GSE1: variants seen among roughly 807,000 people sequenced by gnomAD.
GSE1 encodes the protein Gse1 coiled-coil protein, also known as genetic suppressor element 1.
Under a neutral mutation model 112.6 loss-of-function variants are expected in GSE1, and 32 were observed. The observed-to-expected ratio is 0.28, with a 90% CI of 0.21 to 0.38. The LOEUF (loss-of-function observed/expected upper bound fraction) is 0.38, where lower values mean the gene tolerates loss of function less well. Among genes scored for constraint, GSE1 ranks in the 10% least tolerant of loss-of-function variants. GSE1 has a pLI of 1.00. For missense variants in GSE1, 2,348 were observed against 1,699.2 expected (o/e 1.38, Z -6.71); for synonymous variants, 1,115 against 735.6 (o/e 1.52, Z -8.35).
chr16:85,272,281 G>A (rs1398984041), intron 1 of GSE1, among the ~76,000 whole-genome samples: 3 of 152,216 alleles, frequency 2.0e-5, no homozygotes, highest in South Asian at 2.1e-4. Context: ...CGCGTGGGAC[G>A]ATCCGTTTTT....
chr16:85,371,418 G>C (rs1364887742), intron 2 of GSE1, among the ~76,000 whole-genome samples: 1 of 152,234 alleles, frequency 6.6e-6, no homozygotes, highest in South Asian at 2.1e-4. Context: ...GTGAGGGTGT[G>C]CGTCCTGGCT....
chr16:85,169,685 C>T, exon 1 of GSE1: 1 of 983,170 alleles, frequency 1.0e-6, no homozygotes, highest in Non-Finnish European at 1.2e-6. Flanking sequence ...GCGGCGGGCG[C>T]GGGGACCCCG....
Position 85,276,504 on chromosome 16 carries a change from G to A in GSE1, c.2284-80959G>A, listed in dbSNP as rs759284925. Among the ~76,000 whole-genome samples the A allele has an allele frequency of 5.9e-5, 9 of 152,274 alleles. No individual in the cohort carries two copies. In the South Asian group the frequency reaches 1.7e-3, roughly 28 times the overall value. On this transcript the variant is annotated intron_variant, in intron 1 of 2. Transcript: ENST00000637419. ...TTGGGTGAATGAAATGAATGGAATC[G>A]GCTCCTAAGTCACTGAGCAGGTTCA...
intron 1 of GSE1, among the ~76,000 whole-genome samples, chr16:85,596,730 C>T (rs977166439): frequency 3.9e-5 from 6 of 152,140 alleles, no homozygotes; most frequent in Non-Finnish European, 5.9e-5. Flanking sequence ...AGATGGACAA[C>T]GTTCTCTTCA....
intron 2 of GSE1, among the ~76,000 whole-genome samples, chr16:85,440,702 G>T (rs190389327): frequency 1.3e-5 from 2 of 152,184 alleles, no homozygotes; most frequent in African/African-American, 4.8e-5. Context: ...GGTAAGTTCT[G>T]GTGCTGAGGC....
rs567539973 is a variant in GSE1, at chr16:85,319,042, TG to T, written c.2284-38419del. ...TGGAAAGCGAGCATCATCTGTATCT[TG>T]GAAGGGTGGAGTGGCGGTGACATTA... On this transcript the variant is annotated intron_variant, in intron 1 of 2. Coordinates refer to the GSE1 transcript ENST00000637419. 1.0e-3 allele frequency among the ~76,000 whole-genome samples: 158 copies of T among 152,310 alleles called. No homozygotes were observed. In the South Asian group the frequency reaches 0.017, roughly 16 times the overall value.
intron 2 of GSE1, among the ~76,000 whole-genome samples, chr16:85,420,645 C>T (rs1375400606): frequency 2.6e-5 from 4 of 152,220 alleles, no homozygotes; most frequent in East Asian, 1.9e-4. Flanking sequence ...CCAGCCCACT[C>T]GGCCCACCGG....
chr16:85,291,958 C>T (rs1482000985), intron 1 of GSE1, among the ~76,000 whole-genome samples: 1 of 152,198 alleles, frequency 6.6e-6, no homozygotes, highest in Non-Finnish European at 1.5e-5. Context: ...GCAGCCCTGC[C>T]CTTGACCCTG....
chr16:85,458,540 G>A (rs1035689316), intron 2 of GSE1, among the ~76,000 whole-genome samples: 1 of 152,218 alleles, frequency 6.6e-6, no homozygotes, highest in African/African-American at 2.4e-5. Context: ...TGGTTGAGCT[G>A]GGCATGGAGG....
rs544463615 is a variant in GSE1, at chr16:85,319,649, G to A, written c.2284-37814G>A. On this transcript the variant is annotated intron_variant, in intron 1 of 2. Transcript: ENST00000637419. The stretch of plus-strand genomic sequence containing the variant: ...CCAGAACAGGGCCCATAGGGCCCTC[G>A]AACACCGCCTCCAGCATTAGTTCAC... Among the ~76,000 whole-genome samples, 217 of 152,196 alleles carry A rather than the reference G, an allele frequency of 1.4e-3. 2 individuals carry two copies. Among genetic ancestry groups the A allele is most frequent in the African/African-American group, 5.2e-3 (215 of 41,540 alleles).
At chr16:85,475,039 A>G (rs2151854108) in intron 2 of GSE1, among the ~76,000 whole-genome samples, 1 of 152,072 alleles carries the variant, frequency 6.6e-6, no homozygotes, top group East Asian at 1.9e-4. Context: ...CTGTGCTACC[A>G]CTAATGTGGC....
chr16:85,228,027 T>A (rs2075518763), intron 1 of GSE1, among the ~76,000 whole-genome samples: 1 of 151,918 alleles, frequency 6.6e-6, no homozygotes, highest in African/African-American at 2.4e-5. Context: ...GGAGGGCCCC[T>A]CTGTGGAGGA....
chr16:85,652,545 AGGC>A lies in GSE1; in HGVS notation c.427-1714_427-1712del, dbSNP rs142500416. 9.4e-3 allele frequency among the ~76,000 whole-genome samples: 1,420 copies of A among 150,942 alleles called. 16 individuals carry two copies. Among genetic ancestry groups the A allele is most frequent in the African/African-American group, 0.032 (1,309 of 40,956 alleles). ...GATGCTGCCTCTCATTGAAGATTCC[AGGC>A]GGCGGCGGCGGCGGCGGCTCCTCCA... On this transcript the variant is annotated intron_variant, in intron 3 of 15. Coordinates refer to ENST00000253458, the MANE Select transcript of GSE1 (RefSeq NM_014615.5).
At chr16:85,196,424 G>C (rs376802575) in intron 1 of GSE1, among the ~76,000 whole-genome samples, 2 of 152,136 alleles carry the variant, frequency 1.3e-5, no homozygotes, top group Admixed American at 6.5e-5. Context: ...AGGGATTGGC[G>C]TCAAGTTCAC....
intron 2 of GSE1, among the ~76,000 whole-genome samples, chr16:85,527,716 A>G (rs977227960): frequency 1.3e-5 from 2 of 152,236 alleles, no homozygotes; most frequent in African/African-American, 2.4e-5. Flanking sequence ...GGCTGATTGC[A>G]CAGCCTGTGC....
chr16:85,330,024 C>G (rs965582353), intron 1 of GSE1, among the ~76,000 whole-genome samples: 1 of 152,174 alleles, frequency 6.6e-6, no homozygotes, highest in African/African-American at 2.4e-5. Context: ...CTGCCAGGTG[C>G]TCTGCAGTCT....
Position 85,334,185 on chromosome 16 carries a change from A to G in GSE1, c.2284-23278A>G, listed in dbSNP as rs181787444. Among the ~76,000 whole-genome samples, 55 of 152,152 alleles carry G rather than the reference A, an allele frequency of 3.6e-4. No individual in the cohort carries two copies. The East Asian group carries it at 9.5e-3, about 26-fold the overall frequency. On this transcript the variant is annotated intron_variant, in intron 1 of 2. Transcript: ENST00000637419. ...TGCTGTGTCGGCACTCCTCTACTCT[A>G]TGATCGACTTGGCTCCCTACTGCCC... is the stretch of plus-strand genomic sequence containing the variant.
At position 85,306,742 on chromosome 16, in the gene GSE1, C is replaced by T. The variant is rs548174769; in HGVS notation, c.2284-50721C>T. On this transcript the variant is annotated intron_variant, in intron 1 of 2. Coordinates refer to the GSE1 transcript ENST00000637419. ...TCTAGCAATTTGAGGCCAATAAGAG[C>T]GGGCCACCTCCAGCCCTGGGTATGG... Among the ~76,000 whole-genome samples, 6 of 152,166 alleles carry T rather than the reference C, an allele frequency of 3.9e-5. No homozygotes were observed. In the South Asian group the frequency reaches 8.3e-4, roughly 21 times the overall value.
At chr16:85,402,273 C>T (rs531254569) in intron 2 of GSE1, among the ~76,000 whole-genome samples, 179 of 152,284 alleles carry the variant, frequency 1.2e-3, no homozygotes, top group Middle Eastern at 3.4e-3. Context: ...ACCGTGTTTT[C>T]CATCCTGAAC....
Sources: allele counts gnomAD v4.1 joint callset (sites outside exome capture counted in the v4.1 genomes callset), GRCh38; gene constraint gnomAD v4.1.1; transcripts MANE v1.5; gene names NCBI Gene and HGNC (gene_info 2026-07-23, HGNC 2026-07-21).